DHX57: variants seen among roughly 807,000 people sequenced by gnomAD.
DHX57 encodes DExH-box helicase 57, also known as putative ATP-dependent RNA helicase DHX57.
A neutral mutation model predicts 156.2 loss-of-function variants in DHX57; 105 were observed. The ratio of observed to expected loss-of-function variants is 0.67; its 90% CI spans 0.57 to 0.79. The LOEUF is 0.79. Ranked by LOEUF, DHX57 falls within the 30% of genes least tolerant of loss-of-function variation. DHX57 has a pLI of 0.00. For synonymous variants in DHX57, 704 were observed against 595.6 expected, an observed-to-expected ratio of 1.18 and a Z score of -2.65; for missense variants, 1,847 against 1,661.9, an observed-to-expected ratio of 1.11 and a Z score of -1.94.
intron 13 of DHX57, among the ~76,000 whole-genome samples, chr2:38,831,322 CTTTT>C (rs11348384): frequency 4.3e-5 from 5 of 116,938 alleles, no homozygotes; most frequent in Admixed American, 9.0e-5. Context: ...TTCTTTATTT[CTTTT>C]TTTTTTTTTT....
intron 2 of DHX57, among the ~76,000 whole-genome samples, chr2:38,865,214 T>A (rs1439313325): frequency 6.6e-6 from 1 of 152,224 alleles, no homozygotes; most frequent in Non-Finnish European, 1.5e-5. Context: ...TCAAATCTCA[T>A]CTTCAATTGA....
At chr2:38,816,194 A>G in intron 19 of DHX57, 1 of 470,588 alleles carries the variant, frequency 2.1e-6, no homozygotes, top group South Asian at 1.5e-5. Flanking sequence ...TCCTAGGAAT[A>G]GGGACATCAT....
chr2:38,861,991 T>C (rs1226689562), intron 4 of DHX57, among the ~76,000 whole-genome samples, 154 bp from the exon 5 acceptor site: 2 of 152,198 alleles, frequency 1.3e-5, no homozygotes, highest in Non-Finnish European at 2.9e-5. Flanking sequence ...TAAGCCCCCC[T>C]GAATGACCCC....
intron 17 of DHX57, among the ~76,000 whole-genome samples, chr2:38,820,509 A>C (rs1052402378): frequency 2.6e-5 from 4 of 152,276 alleles, no homozygotes; most frequent in African/African-American, 4.8e-5. Flanking sequence ...ATTTGGGAAA[A>C]GGTAATAGAA....
At chr2:38,817,841 G>T (rs1670620311) in intron 19 of DHX57, among the ~76,000 whole-genome samples, 1 of 152,014 alleles carries the variant, frequency 6.6e-6, no homozygotes, top group Admixed American at 6.6e-5. Context: ...GGGATTACAG[G>T]CCCATGTCAC....
In DHX57 at chr2:38,862,278, G is replaced by C. The variant is rs777917420; in HGVS notation, c.439C>G (p.Arg147Gly). The change falls in exon 4 of 24, where the codon CGG becomes GGG. Residue 147 changes from arginine (R) to glycine (G), a missense_variant. Coordinates refer to ENST00000457308, the MANE Select transcript of DHX57 (RefSeq NM_198963.3). The part of the protein sequence containing the change: ...DDEPDCCNDE[R>G]YWPAGQEPSL... Reference sequence around the variant, plus strand: ...GGTTCCTGTCCAGCTGGCCAGTACCGCTCATCGTTACAGCAATCAGGCTCA... The same window carrying C: ...GGTTCCTGTCCAGCTGGCCAGTACCCCTCATCGTTACAGCAATCAGGCTCA... 6.2e-7 allele frequency: 1 copy of C among 1,610,414 alleles called. No homozygotes were observed. Among genetic ancestry groups the C allele is most frequent in the Non-Finnish European group, 8.5e-7 (1 of 1,177,548 alleles).
chr2:38,814,360 A>T (rs1403252823), intron 20 of DHX57, among the ~76,000 whole-genome samples: 1 of 152,190 alleles, frequency 6.6e-6, no homozygotes, highest in Non-Finnish European at 1.5e-5. Flanking sequence ...ATTTCTAAGT[A>T]AAAAAACAAA....
chr2:38,839,002 G>A (rs1297108693), intron 12 of DHX57, among the ~76,000 whole-genome samples: 2 of 151,772 alleles, frequency 1.3e-5, no homozygotes, highest in Non-Finnish European at 2.9e-5. Flanking sequence ...TGTGATCTCG[G>A]CTCACTGCAA....
intron 12 of DHX57, among the ~76,000 whole-genome samples, chr2:38,841,046 C>G (rs1450620898): frequency 1.3e-5 from 2 of 152,148 alleles, no homozygotes; most frequent in African/African-American, 4.8e-5. Context: ...TGGTCTTGAA[C>G]TCCTGGGCTC....
intron 5 of DHX57, 28 bp downstream of exon 5, chr2:38,860,971 C>T (rs776617885): frequency 6.3e-7 from 1 of 1,581,014 alleles, no homozygotes; most frequent in Non-Finnish European, 8.6e-7. Context: ...CTGAATGCCT[C>T]CCTCCACAAG....
At chr2:38,816,776 T>C (rs1469392025) in intron 19 of DHX57, among the ~76,000 whole-genome samples, 2 of 152,178 alleles carry the variant, frequency 1.3e-5, no homozygotes, top group African/African-American at 4.8e-5. Context: ...GCAGTTTCTA[T>C]TTCATGACAA....
chr2:38,871,419 G>A (rs149720469), intron 1 of DHX57, among the ~76,000 whole-genome samples: 32 of 152,204 alleles, frequency 2.1e-4, no homozygotes, highest in African/African-American at 7.7e-4. Flanking sequence ...AACATTAATA[G>A]ATATAATATG....
intron 13 of DHX57, among the ~76,000 whole-genome samples, chr2:38,837,377 G>A (rs565890749): frequency 5.3e-5 from 8 of 151,972 alleles, no homozygotes; most frequent in East Asian, 1.9e-4. Flanking sequence ...TTGGGAGGCC[G>A]AGGCAGGCGG....
At chr2:38,810,870 C>G in intron 21 of DHX57, 1 of 747,702 alleles carries the variant, frequency 1.3e-6, no homozygotes. Flanking sequence ...AGCGGTTCTC[C>G]ACGATGTCAA....
In DHX57 at chr2:38,868,272, C is replaced by A. The variant is rs1191180333; in HGVS notation, c.134G>T (p.Gly45Val). ...GGCCTTTCTGTTGCCGCCACCTCCACCACCACCACCACCGCCACCGCCACC... is the reference window on the plus strand; with the variant it reads ...GGCCTTTCTGTTGCCGCCACCTCCAACACCACCACCACCGCCACCGCCACC... ...GSGGGGGGGG[G>V]GGGGNRKASS... is the part of the protein sequence containing the mutation. The change falls in exon 2 of 24, where the codon GGT (glycine) becomes GTT (valine). Residue 45 changes from glycine (G) to valine (V), a missense_variant. Coordinates refer to ENST00000457308, the MANE Select transcript of DHX57 (RefSeq NM_198963.3). 8 of 1,612,232 alleles carry A rather than the reference C, an allele frequency of 5.0e-6. No homozygotes were observed. The East Asian group carries it at 1.6e-4, about 31-fold the overall frequency.
chr2:38,845,462 G>T (rs893297721), intron 11 of DHX57, among the ~76,000 whole-genome samples: 3 of 151,990 alleles, frequency 2.0e-5, no homozygotes, highest in African/African-American at 7.2e-5. Context: ...TTAGGAGGGG[G>T]GCTTATTAGA....
chr2:38,863,884 G>C (rs1462728191), intron 2 of DHX57, among the ~76,000 whole-genome samples: 1 of 152,000 alleles, frequency 6.6e-6, no homozygotes. Context: ...GTGGCAGTGC[G>C]CTCCTGTAAT....
chr2:38,837,855 C>A lies in DHX57; in HGVS notation c.2518G>T (p.Asp840Tyr), dbSNP rs545001600. The A allele has an allele frequency of 1.8e-5, 29 of 1,609,896 alleles. No homozygotes were observed. The highest frequency in any genetic ancestry group is 2.3e-5 in the Non-Finnish European group (27 of 1,176,396). ...LIEALLEWIV[D>Y]GKHSYPPGAI... ...CCTGGAGGGTAGGAGTGCTTTCCAT[C>A]CACAATCCACTCTAATAAGGCCTCT... The change falls in exon 13 of 24, where the codon GAT becomes TAT. Residue 840 changes from aspartate to tyrosine, a missense_variant. Transcript: ENST00000457308.
In DHX57 at chr2:38,815,703, G is replaced by A. The variant is rs753710016; in HGVS notation, c.3472-48C>T. The A allele has an allele frequency of 7.5e-6, 12 of 1,610,476 alleles. No homozygotes were observed. In the Admixed American group the frequency reaches 1.0e-4, roughly 14 times the overall value. ...TAAGCAAGGGCATCAGCATAACAAA[G>A]TGTTAAGTCTTACAAAAATGAGTGA... On this transcript the variant is annotated intron_variant, in intron 19 of 23. Coordinates refer to ENST00000457308, the MANE Select transcript of DHX57 (RefSeq NM_198963.3).
Sources: allele counts gnomAD v4.1 joint callset (sites outside exome capture counted in the v4.1 genomes callset), GRCh38; gene constraint gnomAD v4.1.1; transcripts MANE v1.5; gene names NCBI Gene and HGNC (gene_info 2026-07-23, HGNC 2026-07-21).